The following KIZ variants were observed in gnomAD, a reference collection of about 807,000 sequenced individuals.
KIZ encodes the protein kizuna centrosomal protein.
KIZ carries 68 observed loss-of-function variants against 79.6 expected under a neutral mutation model. The observed-to-expected ratio is 0.85, with a 90% CI of 0.70 to 1.05. The LOEUF (loss-of-function observed/expected upper bound fraction) is 1.05, where lower values mean the gene tolerates loss of function less well. KIZ is among the 50% of genes least tolerant of loss of function. The pLI is 0.00. For synonymous variants in KIZ, 280 were observed against 281.8 expected (o/e 0.99, Z 0.06); for missense variants, 797 against 800.4 (o/e 1.00, Z 0.05).
intron 11 of KIZ, among the ~76,000 whole-genome samples, chr20:21,236,143 C>T (rs1480746354): frequency 1.3e-5 from 2 of 152,184 alleles, no homozygotes; most frequent in Non-Finnish European, 2.9e-5. Context: ...AGAACAATCG[C>T]TTGATTATTT....
At chr20:21,235,698 T>C (rs2036981811) in intron 11 of KIZ, among the ~76,000 whole-genome samples, 1 of 152,222 alleles carries the variant, frequency 6.6e-6, no homozygotes, top group South Asian at 2.1e-4. Flanking sequence ...GACCAGATAA[T>C]GTTTTACCAA....
At position 21,145,607 on chromosome 20, in the gene KIZ, G is replaced by T. The variant is rs1355471005; in HGVS notation, c.358G>T (p.Asp120Tyr). ...AATTAAGAAGATGCTATGCTCAAAA[G>T]ATAGCCTGGGACTAAAAGAGGAACT... ...TQIKKMLCSK[D>Y]SLGLKEELTD... Residue 120 changes from aspartate to tyrosine, a missense_variant, in exon 4 of 13, where the codon GAT becomes TAT. Transcript: ENST00000619189. 4.6e-6 allele frequency: 7 copies of T among 1,529,746 alleles called. No homozygotes were observed. Among genetic ancestry groups the T allele is most frequent in the Non-Finnish European group, 6.2e-6 (7 of 1,131,840 alleles). The allele number at this position is 1,529,746 out of a possible 1,614,324, so 94.8% of individuals were successfully genotyped here. A position where few individuals can be genotyped will look rare whatever the true frequency, so the allele number is the denominator to read the frequency against.
chr20:21,216,538 A>G (rs2036301711), intron 9 of KIZ, among the ~76,000 whole-genome samples: 1 of 152,210 alleles, frequency 6.6e-6, no homozygotes, highest in Non-Finnish European at 1.5e-5. Flanking sequence ...CAGTTATTGT[A>G]TATATTATGC....
intron 3 of KIZ, among the ~76,000 whole-genome samples, chr20:21,137,255 C>T (rs2032247698): frequency 6.6e-6 from 1 of 152,184 alleles, no homozygotes; most frequent in African/African-American, 2.4e-5. Flanking sequence ...CTGGTTCTGG[C>T]ACCTTTTTCC....
At chr20:21,216,836 G>C (rs1177496154) in intron 9 of KIZ, among the ~76,000 whole-genome samples, 2 of 152,152 alleles carry the variant, frequency 1.3e-5, no homozygotes, top group African/African-American at 4.8e-5. Flanking sequence ...AAATGACCTT[G>C]TTCATTCATT....
intron 1 of KIZ, among the ~76,000 whole-genome samples, chr20:21,129,474 C>G (rs1281100062): frequency 6.6e-6 from 1 of 152,110 alleles, no homozygotes; most frequent in Non-Finnish European, 1.5e-5. Context: ...GTGGCTCACA[C>G]CTATAATCCC....
At chr20:21,146,480 C>T (rs575769531) in intron 4 of KIZ, among the ~76,000 whole-genome samples, 4 of 152,284 alleles carry the variant, frequency 2.6e-5, no homozygotes, top group African/African-American at 7.2e-5. Context: ...TAATGCTTTC[C>T]TTGGAAGAGT....
chr20:21,173,983 A>C (rs907573303), intron 6 of KIZ, among the ~76,000 whole-genome samples: 2 of 152,228 alleles, frequency 1.3e-5, no homozygotes, highest in Non-Finnish European at 2.9e-5. Context: ...AGGGTCAGGA[A>C]GATCAGAAGG....
intron 3 of KIZ, among the ~76,000 whole-genome samples, chr20:21,141,830 C>G (rs986759449): frequency 7.6e-6 from 1 of 131,400 alleles, no homozygotes; most frequent in African/African-American, 4.0e-5. Context: ...CACACTCTCT[C>G]TCTCTCTCTC....
chr20:21,180,143 G>A (rs4815030), intron 6 of KIZ, among the ~76,000 whole-genome samples: 88,579 of 151,620 alleles, frequency 0.58, 27,515 homozygotes, highest in South Asian at 0.78. Flanking sequence ...TATTGAAAAT[G>A]GAATACTGAA....
chr20:21,235,853 C>T (rs1189480881), intron 11 of KIZ, among the ~76,000 whole-genome samples: 1 of 152,254 alleles, frequency 6.6e-6, no homozygotes, highest in Non-Finnish European at 1.5e-5. Flanking sequence ...GGGCGCCAGC[C>T]TGCAGCTGAT....
chr20:21,157,540 T>C (rs953820485), intron 4 of KIZ, among the ~76,000 whole-genome samples: 2 of 152,242 alleles, frequency 1.3e-5, no homozygotes, highest in African/African-American at 4.8e-5. Context: ...TTTCACTTTC[T>C]GTAGTTCTGA....
At chr20:21,147,282 A>G (rs2032897093) in intron 4 of KIZ, among the ~76,000 whole-genome samples, 1 of 152,236 alleles carries the variant, frequency 6.6e-6, no homozygotes, top group Non-Finnish European at 1.5e-5. Context: ...CTTTTCATTT[A>G]TATGGAAAGG....
At chr20:21,166,332 C>T in intron 6 of KIZ, 1 of 1,605,002 alleles carries the variant, frequency 6.2e-7, no homozygotes, top group South Asian at 1.1e-5. Flanking sequence ...ATTATTCTGC[C>T]ATTTTTCCAG....
In KIZ at chr20:21,228,697, C is replaced by T. The variant is rs141970414; in HGVS notation, c.1679-314C>T. ...CTTGCTTTCTCTTCTGGTTCATTCCCGTAGCTGTCTCTACAAGGCCCCGAG... is the reference window on the plus strand; with the variant it reads ...CTTGCTTTCTCTTCTGGTTCATTCCTGTAGCTGTCTCTACAAGGCCCCGAG... On this transcript the variant is annotated intron_variant, in intron 9 of 12. Coordinates refer to ENST00000619189, the MANE Select transcript of KIZ (RefSeq NM_018474.6). 4.7e-3 allele frequency among the ~76,000 whole-genome samples: 716 copies of T among 152,254 alleles called. 3 individuals are homozygous for T. The highest frequency in any genetic ancestry group is 6.7e-3 in the Non-Finnish European group (454 of 68,036).
intron 9 of KIZ, among the ~76,000 whole-genome samples, chr20:21,221,709 T>C (rs1268620378): frequency 6.6e-6 from 1 of 152,172 alleles, no homozygotes; most frequent in East Asian, 1.9e-4. Context: ...AGGGTGCCAC[T>C]TGGAGTTCTA....
chr20:21,224,369 T>C (rs1468233446), intron 9 of KIZ, among the ~76,000 whole-genome samples: 1 of 152,252 alleles, frequency 6.6e-6, no homozygotes, highest in African/African-American at 2.4e-5. Context: ...GAAATATATC[T>C]CACAATTTTT....
At chr20:21,205,328 TA>T (rs1414084165) in intron 6 of KIZ, among the ~76,000 whole-genome samples, 162 bp from the exon 7 acceptor site, 3 of 151,702 alleles carry the variant, frequency 2.0e-5, no homozygotes, top group Non-Finnish European at 4.4e-5. Flanking sequence ...TTTAAAAGTT[TA>T]AAAAAAAGGA....
At chr20:21,228,840 G>A (rs1308994777) in intron 9 of KIZ, among the ~76,000 whole-genome samples, 171 bp from the exon 10 acceptor site, 3 of 152,164 alleles carry the variant, frequency 2.0e-5, no homozygotes, top group Admixed American at 6.5e-5. Flanking sequence ...CTTGAAACCC[G>A]GGTTCAACTA....
Sources: allele counts gnomAD v4.1 joint callset (sites outside exome capture counted in the v4.1 genomes callset), GRCh38; gene constraint gnomAD v4.1.1; transcripts MANE v1.5; gene names NCBI Gene and HGNC (gene_info 2026-07-23, HGNC 2026-07-21).